Variants in CNTNAP5 observed in about 807,000 individuals in gnomAD.
CNTNAP5 encodes the protein contactin associated protein family member 5.
In CNTNAP5, 72 loss-of-function variants were observed where a neutral mutation model predicts 150.2. The observed-to-expected ratio is 0.48, with a 90% CI of 0.40 to 0.58. The LOEUF is 0.58. CNTNAP5 is among the 20% of genes least tolerant of loss of function. The probability of loss-of-function intolerance (pLI) is 0.00; values close to 1 mark genes in which losing one functional copy is unlikely to be tolerated. For synonymous variants in CNTNAP5, 672 were observed against 619.8 expected (o/e 1.08, Z -1.25); for missense variants, 1,636 against 1,626.2 (o/e 1.01, Z -0.10).
intron 1 of CNTNAP5, among the ~76,000 whole-genome samples, chr2:124,183,948 A>G (rs1254325341): frequency 6.6e-6 from 1 of 152,304 alleles, no homozygotes; most frequent in Admixed American, 6.5e-5. Flanking sequence ...AGATTATGTG[A>G]TTAAGTCTCA....
At chr2:124,575,486 T>C (rs777054703) in intron 11 of CNTNAP5, among the ~76,000 whole-genome samples, 57 of 152,226 alleles carry the variant, frequency 3.7e-4, no homozygotes, top group Non-Finnish European at 4.7e-4. Flanking sequence ...GTCCACTTTA[T>C]AGCAGTTGTG....
At position 124,504,441 on chromosome 2, in the gene CNTNAP5, G is replaced by T. The variant is rs779415606; in HGVS notation, c.1212G>T (p.Leu404=). 6.2e-7 allele frequency: 1 copy of T among 1,613,876 alleles called. No homozygotes were observed. The highest frequency in any genetic ancestry group is 8.5e-7 in the Non-Finnish European group (1 of 1,179,852). ...FQFRTWNKDG[L]LLSTELSEGS... ...TTCGAACATGGAACAAGGATGGTCTGCTTCTGTCCACAGAGCTGTCTGAGG... is the reference window on the plus strand; with the variant it reads ...TTCGAACATGGAACAAGGATGGTCTTCTTCTGTCCACAGAGCTGTCTGAGG... Residue 404 remains leucine (L), a synonymous_variant, in exon 8 of 24, where the codon CTG becomes CTT. Transcript: ENST00000682447.
intron 3 of CNTNAP5, among the ~76,000 whole-genome samples, chr2:124,341,458 G>A (rs1189777853): frequency 6.6e-6 from 1 of 152,142 alleles, no homozygotes; most frequent in Non-Finnish European, 1.5e-5. Flanking sequence ...ATTAAGAGCT[G>A]AGTTGGTGGC....
chr2:124,517,544 G>A (rs1434273550), intron 8 of CNTNAP5, among the ~76,000 whole-genome samples: 11 of 150,438 alleles, frequency 7.3e-5, no homozygotes, highest in African/African-American at 2.4e-4. Context: ...GTGATGGAGG[G>A]TTGTAGTGTT....
Position 124,770,733 on chromosome 2 carries a change from A to G in CNTNAP5, c.2534-2066A>G, listed in dbSNP as rs186133160. On this transcript the variant is annotated intron_variant, in intron 16 of 23. Transcript: ENST00000682447. Reference sequence around the variant, plus strand: ...CAATTCTGTTTCCTTTAAGGCATGAATTTGTCACCTGAAGCCAATTTGCCT... The same window carrying G: ...CAATTCTGTTTCCTTTAAGGCATGAGTTTGTCACCTGAAGCCAATTTGCCT... 2.6e-5 allele frequency among the ~76,000 whole-genome samples: 4 copies of G among 152,310 alleles called. No individual in the cohort carries two copies. The East Asian group carries it at 7.7e-4, about 29-fold the overall frequency.
intron 14 of CNTNAP5, among the ~76,000 whole-genome samples, chr2:124,760,638 A>G (rs1218068087): frequency 6.6e-6 from 1 of 152,138 alleles, no homozygotes; most frequent in Non-Finnish European, 1.5e-5. Flanking sequence ...TTTAAGGATC[A>G]TATGCCTATT....
At chr2:124,817,902 A>T (rs1252709459) in intron 19 of CNTNAP5, among the ~76,000 whole-genome samples, 3 of 152,172 alleles carry the variant, frequency 2.0e-5, no homozygotes, top group Admixed American at 2.0e-4. Flanking sequence ...TTAAAACAAT[A>T]ATAAAACTGA....
intron 6 of CNTNAP5, among the ~76,000 whole-genome samples, chr2:124,466,768 A>G (rs1013268041): frequency 1.6e-4 from 24 of 152,198 alleles, no homozygotes; most frequent in Non-Finnish European, 3.1e-4. Flanking sequence ...TTTCCAGCTC[A>G]GTCTTCCATA....
chr2:124,205,558 A>C (rs1009037460), intron 1 of CNTNAP5, among the ~76,000 whole-genome samples: 1 of 151,986 alleles, frequency 6.6e-6, no homozygotes, highest in African/African-American at 2.4e-5. Flanking sequence ...AGCTGGGACT[A>C]CAGGTGTGCA....
chr2:124,227,773 TG>T (rs752197290), intron 2 of CNTNAP5, among the ~76,000 whole-genome samples: 40 of 149,294 alleles, frequency 2.7e-4, no homozygotes, highest in Non-Finnish European at 5.0e-4. Context: ...TTGGTGAGGG[TG>T]GGGGGAGGCG....
At chr2:124,820,052 A>G (rs1294110768) in intron 19 of CNTNAP5, among the ~76,000 whole-genome samples, 1 of 152,146 alleles carries the variant, frequency 6.6e-6, no homozygotes, top group African/African-American at 2.4e-5. Flanking sequence ...CCCTTGCAGA[A>G]ATGGGCCAGA....
At chr2:124,873,319 T>C (rs866333864) in intron 21 of CNTNAP5, among the ~76,000 whole-genome samples, 7 of 152,106 alleles carry the variant, frequency 4.6e-5, no homozygotes, top group Non-Finnish European at 1.0e-4. Flanking sequence ...TCCTCCCTCA[T>C]GAGCCAATCA....
In CNTNAP5 at chr2:124,914,175, C is replaced by T. The variant is rs186371359; in HGVS notation, c.3811C>T (p.Arg1271Cys). 68 of 1,612,294 alleles carry T rather than the reference C, an allele frequency of 4.2e-5. No homozygotes were observed. In the Admixed American group the frequency reaches 4.8e-4, roughly 11 times the overall value. ...CCTCTACCAGCACAAGCAGTCACATCGTACGAGCCAGATGAAGGAGAAGGA... is the reference window on the plus strand; with the variant it reads ...CCTCTACCAGCACAAGCAGTCACATTGTACGAGCCAGATGAAGGAGAAGGA... ...RFLYQHKQSHRTSQMKEKEYP... is the reference protein window; with the variant it reads ...RFLYQHKQSHCTSQMKEKEYP... The change falls in exon 24 of 24, where the codon CGT becomes TGT. Residue 1271 changes from arginine (R) to cysteine (C), a missense_variant. Coordinates refer to ENST00000682447, the MANE Select transcript of CNTNAP5 (RefSeq NM_001367498.1).
At chr2:124,651,159 G>T (rs1442601461) in intron 13 of CNTNAP5, among the ~76,000 whole-genome samples, 11 of 152,164 alleles carry the variant, frequency 7.2e-5, no homozygotes, top group African/African-American at 1.9e-4. Context: ...AAATAGTTTT[G>T]TTATTAATTT....
chr2:124,515,186 G>A lies in CNTNAP5; in HGVS notation c.1328-9117G>A, dbSNP rs112674176. On this transcript the variant is annotated intron_variant, in intron 8 of 23. Transcript: ENST00000682447. ...ATGGCTAATGCTCACATGAGGGCCT[G>A]CTTCTGACACTTGGCAGTGGAGATT... Among the ~76,000 whole-genome samples the A allele has an allele frequency of 8.9e-4, 135 of 152,344 alleles. 2 individuals are homozygous for A. The highest frequency in any genetic ancestry group is 2.7e-3 in the African/African-American group (113 of 41,590).
chr2:124,652,209 G>T (rs1478681037), intron 13 of CNTNAP5, among the ~76,000 whole-genome samples: 1 of 152,188 alleles, frequency 6.6e-6, no homozygotes, highest in Non-Finnish European at 1.5e-5. Context: ...CCGTATCCCA[G>T]GGAAAGTGTC....
intron 12 of CNTNAP5, among the ~76,000 whole-genome samples, chr2:124,624,590 A>G (rs1172315752): frequency 2.0e-5 from 3 of 152,250 alleles, no homozygotes; most frequent in Non-Finnish European, 2.9e-5. Flanking sequence ...ATTCAAATAA[A>G]CTTTTGAATA....
chr2:124,257,370 T>C (rs1409151550), intron 3 of CNTNAP5, among the ~76,000 whole-genome samples: 1 of 152,196 alleles, frequency 6.6e-6, no homozygotes. Context: ...CAATAATTTG[T>C]ATTCCTCCAG....
At chr2:124,643,783 A>T (rs569467472) in intron 12 of CNTNAP5, among the ~76,000 whole-genome samples, 3 of 152,350 alleles carry the variant, frequency 2.0e-5, no homozygotes, top group South Asian at 2.1e-4. Flanking sequence ...AACCTCAGAA[A>T]TGTTATGAAA....
Sources: allele counts gnomAD v4.1 joint callset (sites outside exome capture counted in the v4.1 genomes callset), GRCh38; gene constraint gnomAD v4.1.1; transcripts MANE v1.5; gene names NCBI Gene and HGNC (gene_info 2026-07-23, HGNC 2026-07-21).